The following BRD2 variants were observed in gnomAD, a reference collection of about 807,000 sequenced individuals.
The protein encoded by BRD2 is bromodomain-containing protein 2.
In BRD2, 15 loss-of-function variants were observed where a neutral mutation model predicts 79.1. That is an observed-to-expected ratio of 0.19 (90% confidence interval 0.13 to 0.29). The LOEUF (loss-of-function observed/expected upper bound fraction) is 0.29. Among genes scored for constraint, BRD2 ranks in the 10% least tolerant of loss-of-function variants. BRD2 has a pLI of 1.00. For missense variants in BRD2, 1,053 were observed against 991.3 expected (o/e 1.06, Z -0.84); for synonymous variants, 488 against 358.6 (o/e 1.36, Z -4.08).
At chr6:32,970,065 G>A (rs1777807044) in intron 1 of BRD2, among the ~76,000 whole-genome samples, 1 of 152,236 alleles carries the variant, frequency 6.6e-6, no homozygotes, top group Admixed American at 6.5e-5. Flanking sequence ...ATAAACGAGA[G>A]CAATGTCTGG....
chr6:32,978,057 G>T (rs762421743), intron 9 of BRD2, 52 bp downstream of exon 9: 2 of 1,590,750 alleles, frequency 1.3e-6, no homozygotes, highest in Non-Finnish European at 1.7e-6. Flanking sequence ...CATGCCCTTT[G>T]TCCTCATTTT....
intron 1 of BRD2, 33 bp downstream of exon 1, chr6:32,969,089 A>G (rs890277773): frequency 4.2e-6 from 2 of 480,126 alleles, no homozygotes; most frequent in Non-Finnish European, 3.8e-6. Context: ...CGGAGATGTC[A>G]GTCAAGTGCT....
At position 32,972,649 on chromosome 6, in the gene BRD2, G is replaced by C; in HGVS notation, c.-250G>C. On this transcript the variant is annotated 5_prime_UTR_variant, in exon 2 of 13. Coordinates refer to ENST00000374825, the MANE Select transcript of BRD2 (RefSeq NM_005104.4). ...AGAGTCAGTCCCTCCTTAGTTGCCC[G>C]CCTCAGCTGAGGCCGCCGCCATTTT... 1.7e-6 allele frequency: 1 copy of C among 602,464 alleles called. No individual in the cohort carries two copies. Among genetic ancestry groups the C allele is most frequent in the African/African-American group, 1.9e-5 (1 of 53,866 alleles). The allele number at this position is 602,464 out of a possible 1,614,324, so 37.3% of individuals were successfully genotyped here.
At chr6:32,978,463 G>T (rs1018730813) in intron 10 of BRD2, 75 bp downstream of exon 10, 83 of 1,549,648 alleles carry the variant, frequency 5.4e-5, no homozygotes, top group Non-Finnish European at 4.8e-5. Context: ...TCTTTGCAAA[G>T]ATAATTCTAA....
Position 32,972,228 on chromosome 6 carries a change from A to T in BRD2, c.-671A>T, listed in dbSNP as rs1324076805. On this transcript the variant is annotated 5_prime_UTR_variant, in exon 2 of 13. It removes the in-frame stop codon of an upstream open reading frame in the 5' UTR. Transcript: ENST00000374825. ...TTCGTGCTGGAGTGGAGCAGCCTCTAGAACGAGCTGGAGGATTCTGCCTAC... is the reference window on the plus strand; with the variant it reads ...TTCGTGCTGGAGTGGAGCAGCCTCTTGAACGAGCTGGAGGATTCTGCCTAC... 2.0e-6 allele frequency: 1 copy of T among 503,100 alleles called. No homozygotes were observed. Among genetic ancestry groups the T allele is most frequent in the African/African-American group, 1.9e-5 (1 of 51,486 alleles). 31.2% of individuals were successfully genotyped at this position (503,100 alleles called of 1,614,324 possible).
At chr6:32,976,522 G>T in intron 6 of BRD2, 40 bp from the exon 7 acceptor site, 1 of 1,594,754 alleles carries the variant, frequency 6.3e-7, no homozygotes, top group South Asian at 1.1e-5. Flanking sequence ...AGTAAAGTGG[G>T]CTTGGAGTGA....
Position 32,980,010 on chromosome 6 carries a change from C to G in BRD2, c.2024C>G (p.Ser675Cys), listed in dbSNP as rs2127526945. ...VVHIIQAREP[S>C]LRDSNPEEIE... is the part of the protein sequence containing the mutation. ...CATATAATCCAAGCCAGGGAGCCCT[C>G]TTTACGTGATTCAAACCCAGAAGAG... The change falls in exon 11 of 13, where the codon TCT becomes TGT. Residue 675 changes from serine (S) to cysteine (C), a missense_variant. Coordinates refer to ENST00000374825, the MANE Select transcript of BRD2 (RefSeq NM_005104.4). 2 of 1,613,126 alleles carry G rather than the reference C, an allele frequency of 1.2e-6. No homozygotes were observed. Among genetic ancestry groups the G allele is most frequent in the Non-Finnish European group, 1.7e-6 (2 of 1,180,032 alleles).
rs1355205361 is a variant in BRD2 at position 32,972,278 on chromosome 6, G to A, written c.-621G>A. On this transcript the variant is annotated 5_prime_UTR_variant, in exon 2 of 13. Coordinates refer to ENST00000374825, the MANE Select transcript of BRD2 (RefSeq NM_005104.4). ...CCGATACAGAGCCTTCGAGTCGTCC[G>A]GGGCCGCCATTACAATCCACCTCCA... 2 of 424,924 alleles carry A rather than the reference G, an allele frequency of 4.7e-6. No homozygotes were observed. The highest frequency in any genetic ancestry group is 5.4e-5 in the East Asian group (1 of 18,658). 26.3% of individuals were successfully genotyped at this position (424,924 alleles called of 1,614,324 possible).
At chr6:32,977,418 T>G in intron 7 of BRD2, 24 bp from the exon 8 acceptor site, 1 of 1,613,734 alleles carries the variant, frequency 6.2e-7, no homozygotes, top group Non-Finnish European at 8.5e-7. Context: ...CCTGTGCAGC[T>G]TCTGATGCTG....
At chr6:32,975,154 T>TG (rs1778555911) in intron 3 of BRD2, 1 of 1,481,720 alleles carries the variant, frequency 6.7e-7, no homozygotes, top group Non-Finnish European at 9.0e-7. Flanking sequence ...GGGTGGGAGG[T>TG]GGGTGGTTAG....
intron 7 of BRD2, 90 bp from the exon 8 acceptor site, chr6:32,977,352 A>G (rs1778900899): frequency 2.5e-6 from 4 of 1,609,870 alleles, no homozygotes; most frequent in African/African-American, 2.7e-5. Context: ...CTGTGCTCTC[A>G]AGAGAGGGCT....
intron 2 of BRD2, 84 bp downstream of exon 2, chr6:32,973,011 A>T: frequency 6.2e-7 from 1 of 1,613,216 alleles, no homozygotes; most frequent in South Asian, 1.1e-5. Context: ...GGGAGTACTG[A>T]GCGGCCCCGG....
At chr6:32,974,414 T>C in intron 2 of BRD2, 48 bp from the exon 3 acceptor site, 1 of 1,563,940 alleles carries the variant, frequency 6.4e-7, no homozygotes, top group Non-Finnish European at 8.7e-7. Flanking sequence ...AGATGCACTT[T>C]TTCCTCATTT....
At position 32,972,718 on chromosome 6, in the gene BRD2, T is replaced by G. The variant is rs1418270536; in HGVS notation, c.-181T>G. The G allele has an allele frequency of 1.2e-5, 10 of 865,872 alleles. No homozygotes were observed. The highest frequency in any genetic ancestry group is 2.6e-5 in the East Asian group (1 of 38,868). The allele number at this position is 865,872 out of a possible 1,614,324, so 53.6% of individuals were successfully genotyped here. A position where few individuals can be genotyped will look rare whatever the true frequency, so the allele number is the denominator to read the frequency against. ...CAGAGCGCGCCAAGCTGCCCGGAGC[T>G]CTCCGAGAGGCCCCAAAGAGACTGC... On this transcript the variant is annotated 5_prime_UTR_variant, in exon 2 of 13. Transcript: ENST00000374825.
At chr6:32,973,645 C>G (rs1206214355) in intron 2 of BRD2, among the ~76,000 whole-genome samples, 1 of 152,098 alleles carries the variant, frequency 6.6e-6, no homozygotes, top group Non-Finnish European at 1.5e-5. Flanking sequence ...AAATGAACCA[C>G]TGTTAGCGTT....
At position 32,968,952 on chromosome 6, in the gene BRD2, C is replaced by G. The variant is rs1178485432; in HGVS notation, c.-1409C>G. On this transcript the variant is annotated 5_prime_UTR_variant, in exon 1 of 13. Coordinates refer to ENST00000374825, the MANE Select transcript of BRD2 (RefSeq NM_005104.4). ...GGGGCTGGGGGCTACGCCCCCTCCC[C>G]CAGCACGGCTTCGTTTTCTGGGGGG... The G allele has an allele frequency of 1.0e-5, 2 of 197,226 alleles. No homozygotes were observed. Among genetic ancestry groups the G allele is most frequent in the African/African-American group, 4.6e-5 (2 of 43,114 alleles). The allele number at this position is 197,226 out of a possible 1,614,324, so 12.2% of individuals were successfully genotyped here. A position where few individuals can be genotyped will look rare whatever the true frequency, so the allele number is the denominator to read the frequency against.
At chr6:32,971,560 C>T (rs560435741) in intron 1 of BRD2, 35 bp from the exon 2 acceptor site, 2 of 458,152 alleles carry the variant, frequency 4.4e-6, no homozygotes, top group Non-Finnish European at 7.7e-6. Flanking sequence ...GAGCAGGCCG[C>T]GGCTTCTAAG....
intron 3 of BRD2, 112 bp downstream of exon 3, chr6:32,974,877 C>A: frequency 7.0e-7 from 1 of 1,421,734 alleles, no homozygotes; most frequent in Non-Finnish European, 9.5e-7. Context: ...CCATTTCTCC[C>A]CTGTAGGGCA....
At position 32,978,273 on chromosome 6, in the gene BRD2, C is replaced by A. The variant is rs1346578778; in HGVS notation, c.1726C>A (p.Pro576Thr). The A allele has an allele frequency of 6.2e-7, 1 of 1,613,018 alleles. No individual in the cohort carries two copies. The highest frequency in any genetic ancestry group is 8.5e-7 in the Non-Finnish European group (1 of 1,180,016). ...TGGGGCCGATGAAGATGACAAGGGG[C>A]CTAGGGCACCCCGCCCACCTCAACC... ...RAGADEDDKG[P>T]RAPRPPQPKK... Residue 576 changes from proline (P) to threonine (T), a missense_variant, in exon 10 of 13, where the codon CCT (proline) becomes ACT (threonine). Transcript: ENST00000374825.
Sources: allele counts gnomAD v4.1 joint callset (sites outside exome capture counted in the v4.1 genomes callset), GRCh38; gene constraint gnomAD v4.1.1; transcripts MANE v1.5; gene names NCBI Gene and HGNC (gene_info 2026-07-23, HGNC 2026-07-21).